ARL5B: variants seen among roughly 807,000 people sequenced by gnomAD.
ARL5B encodes ARF like GTPase 5B.
Under a neutral mutation model 26.9 loss-of-function variants are expected in ARL5B, and 10 were observed. That is an observed-to-expected ratio of 0.37 (90% confidence interval 0.23 to 0.63). The LOEUF (loss-of-function observed/expected upper bound fraction) is 0.63, where lower values mean the gene tolerates loss of function less well. Ranked by LOEUF, ARL5B falls within the 30% of genes least tolerant of loss-of-function variation. The probability of loss-of-function intolerance (pLI) is 0.62; values close to 1 mark genes in which losing one functional copy is unlikely to be tolerated. For missense variants in ARL5B, 167 were observed against 213.9 expected (o/e 0.78, Z 1.37); for synonymous variants, 87 against 70.4 (o/e 1.24, Z -1.18).
At chr10:18,673,277 G>A (rs1382942321) in intron 4 of ARL5B, among the ~76,000 whole-genome samples, 2 of 151,858 alleles carry the variant, frequency 1.3e-5, no homozygotes, top group African/African-American at 4.8e-5. Context: ...CGCCAGCCTG[G>A]CCTTGAATTC....
chr10:18,674,825 T>C (rs2059903526), intron 5 of ARL5B, among the ~76,000 whole-genome samples: 2 of 152,140 alleles, frequency 1.3e-5, no homozygotes, highest in South Asian at 4.1e-4. Flanking sequence ...TTCCATTCTT[T>C]AGAATTGAGG....
rs57264737 is a variant in ARL5B, at chr10:18,680,642, T to A, written c.*5426T>A. 6.6e-6 allele frequency: 1 copy of A among 152,132 alleles called. No homozygotes were observed. The highest frequency in any genetic ancestry group is 6.6e-5 in the Admixed American group (1 of 15,258). 9.4% of individuals were successfully genotyped at this position (152,132 alleles called of 1,614,324 possible). A position where few individuals can be genotyped will look rare whatever the true frequency, so the allele number is the denominator to read the frequency against. ...TTCTCTTGGAGTAAACTGTTGAGTG[T>A]AGTTACAAAAACTTTTATTTATGAC... On this transcript the variant is annotated 3_prime_UTR_variant, in exon 6 of 6. Transcript: ENST00000377275.
chr10:18,659,947 G>T, intron 1 of ARL5B: 1 of 985,254 alleles, frequency 1.0e-6, no homozygotes, highest in Non-Finnish European at 1.2e-6. Context: ...GCGAAGTAAA[G>T]CGGGATACAG....
In ARL5B at chr10:18,668,743, G is replaced by C. The variant is rs186505389; in HGVS notation, c.255+66G>C. 1.7e-5 allele frequency: 25 copies of C among 1,514,934 alleles called. No individual in the cohort carries two copies. The African/African-American group carries it at 2.8e-4, about 17-fold the overall frequency. 93.8% of individuals were successfully genotyped at this position (1,514,934 alleles called of 1,614,324 possible). On this transcript the variant is annotated intron_variant, in intron 3 of 5. Transcript: ENST00000377275. ...TAGAGTAAACATAGAAAGTAATTAG[G>C]CTGCACCTGGGCGTATTGACAGTTG...
At chr10:18,664,427 G>GTTT (rs1456631886) in intron 1 of ARL5B, among the ~76,000 whole-genome samples, 1 of 110,364 alleles carries the variant, frequency 9.1e-6, no homozygotes, top group Non-Finnish European at 1.8e-5. Context: ...TAACAGTAGT[G>GTTT]TCTTTTTTTT....
intron 3 of ARL5B, among the ~76,000 whole-genome samples, chr10:18,669,380 T>C (rs1459898202): frequency 1.3e-5 from 2 of 152,114 alleles, no homozygotes; most frequent in Non-Finnish European, 2.9e-5. Flanking sequence ...ATTTTATTAA[T>C]TTAAAAATTT....
rs764034639 is a variant in ARL5B at position 18,674,112 on chromosome 10, C to T, written c.468C>T (p.Ser156=). ...SIKDHPWHIQ[S]CCALTGEGLC... is the part of the protein sequence containing the mutation. The stretch of plus-strand genomic sequence containing the variant: ...AGGATCATCCATGGCACATTCAATC[C>T]TGCTGTGCTCTCACAGGAGAAGGGT... Residue 156 remains serine, a synonymous_variant, in exon 5 of 6, where the codon TCC becomes TCT. Transcript: ENST00000377275. 6.2e-7 allele frequency: 1 copy of T among 1,611,256 alleles called. No homozygotes were observed. Among genetic ancestry groups the T allele is most frequent in the Non-Finnish European group, 8.5e-7 (1 of 1,178,746 alleles).
chr10:18,670,500 A>G (rs2059882224), intron 3 of ARL5B, among the ~76,000 whole-genome samples: 1 of 152,024 alleles, frequency 6.6e-6, no homozygotes, highest in Non-Finnish European at 1.5e-5. Context: ...AGTCCCAGCT[A>G]CTCCAGAGGC....
At chr10:18,660,425 G>T (rs184569412) in intron 1 of ARL5B, among the ~76,000 whole-genome samples, 3 of 152,152 alleles carry the variant, frequency 2.0e-5, no homozygotes, top group Non-Finnish European at 4.4e-5. Context: ...CAAAAAAGGG[G>T]CCGACGATAA....
intron 3 of ARL5B, among the ~76,000 whole-genome samples, chr10:18,670,446 A>G (rs1414994760): frequency 2.6e-5 from 4 of 152,108 alleles, no homozygotes; most frequent in Non-Finnish European, 5.9e-5. Flanking sequence ...CCCCATCTCT[A>G]CTAAAAATAC....
chr10:18,669,272 C>T (rs1461936159), intron 3 of ARL5B, among the ~76,000 whole-genome samples: 1 of 152,168 alleles, frequency 6.6e-6, no homozygotes, highest in Non-Finnish European at 1.5e-5. Flanking sequence ...ATTTTCATGT[C>T]TCCAGGGTTG....
At chr10:18,670,766 C>G (rs1651751856) in intron 3 of ARL5B, among the ~76,000 whole-genome samples, 1 of 152,078 alleles carries the variant, frequency 6.6e-6, no homozygotes, top group South Asian at 2.1e-4. Flanking sequence ...CTAGTGAATC[C>G]ATATGTACTT....
chr10:18,665,232 C>CAGGAGGTTCAGGT (rs1330475491), intron 1 of ARL5B, among the ~76,000 whole-genome samples: 1 of 152,118 alleles, frequency 6.6e-6, no homozygotes, highest in African/African-American at 2.4e-5. Context: ...CCCAGCTATT[C>CAGGAGGTTCAGGT]AGGAGGTTCA....
chr10:18,667,728 AACAC>A (rs142643032), intron 2 of ARL5B, among the ~76,000 whole-genome samples: 7 of 149,844 alleles, frequency 4.7e-5, no homozygotes, highest in South Asian at 4.2e-4. Flanking sequence ...CACACACACA[AACAC>A]ACACACACAC....
intron 1 of ARL5B, among the ~76,000 whole-genome samples, chr10:18,662,114 A>G (rs1173661214): frequency 6.6e-6 from 1 of 152,234 alleles, no homozygotes; most frequent in Non-Finnish European, 1.5e-5. Flanking sequence ...TTTTGTAACT[A>G]TATTTATCTA....
At chr10:18,663,672 C>T (rs2059847374) in intron 1 of ARL5B, among the ~76,000 whole-genome samples, 1 of 151,044 alleles carries the variant, frequency 6.6e-6, no homozygotes, top group South Asian at 2.1e-4. Flanking sequence ...CCTCAGCCTC[C>T]CAAGTAGCTG....
At chr10:18,662,432 C>T (rs916877334) in intron 1 of ARL5B, among the ~76,000 whole-genome samples, 1 of 152,084 alleles carries the variant, frequency 6.6e-6, no homozygotes, top group Admixed American at 6.6e-5. Flanking sequence ...AAAGTTAATT[C>T]CTGCAATTTT....
At chr10:18,659,808 G>A (rs2059819614) in intron 1 of ARL5B, 125 bp downstream of exon 1, 4 of 1,514,668 alleles carry the variant, frequency 2.6e-6, no homozygotes, top group Non-Finnish European at 3.5e-6. Context: ...TAGGCCAGGG[G>A]GCGGGCAGAA....
At chr10:18,664,405 TG>T (rs2059851260) in intron 1 of ARL5B, among the ~76,000 whole-genome samples, 5 of 150,814 alleles carry the variant, frequency 3.3e-5, no homozygotes, top group Admixed American at 3.3e-4. Flanking sequence ...TCTGATTTAC[TG>T]TAACTGATAG....
Sources: allele counts gnomAD v4.1 joint callset (sites outside exome capture counted in the v4.1 genomes callset), GRCh38; gene constraint gnomAD v4.1.1; transcripts MANE v1.5; gene names NCBI Gene and HGNC (gene_info 2026-07-23, HGNC 2026-07-21).